The following LMTK2 variants were observed in gnomAD, a reference collection of about 807,000 sequenced individuals.
LMTK2 encodes the protein serine/threonine-protein kinase LMTK2.
In LMTK2, 37 loss-of-function variants were observed where a neutral mutation model predicts 127.5. The ratio of observed to expected loss-of-function variants is 0.29; its 90% confidence interval spans 0.22 to 0.38. The LOEUF (loss-of-function observed/expected upper bound fraction) is 0.38. Ranked by LOEUF, LMTK2 falls within the 10% of genes least tolerant of loss-of-function variation. The probability of loss-of-function intolerance (pLI) is 1.00; values close to 1 mark genes in which losing one functional copy is unlikely to be tolerated. For synonymous variants in LMTK2, 819 were observed against 810.1 expected (o/e 1.01, Z -0.19); for missense variants, 1,694 against 1,920.3 (o/e 0.88, Z 2.20).
chr7:98,114,076 A>G (rs777403033), intron 1 of LMTK2, among the ~76,000 whole-genome samples: 22 of 151,524 alleles, frequency 1.5e-4, no homozygotes, highest in Non-Finnish European at 2.8e-4. Flanking sequence ...AGTATCTTTC[A>G]TTTTCTCTGC....
chr7:98,140,076 A>AACTT (rs1489752762), intron 2 of LMTK2, among the ~76,000 whole-genome samples: 3,828 of 40,172 alleles, frequency 0.095, 965 homozygotes, highest in South Asian at 0.2. Flanking sequence ...AGGTTTCCAC[A>AACTT]ACTTTCTTTC....
Position 98,203,562 on chromosome 7 carries a change from T to A in LMTK2, c.4108-12T>A. 6.3e-7 allele frequency: 1 copy of A among 1,576,410 alleles called. No homozygotes were observed. The highest frequency in any genetic ancestry group is 8.6e-7 in the Non-Finnish European group (1 of 1,167,656). On this transcript the variant is annotated splice_polypyrimidine_tract_variant and intron_variant, in intron 11 of 13. Coordinates refer to ENST00000297293, the MANE Select transcript of LMTK2 (RefSeq NM_014916.4). ...GGCCTTTGCTGACAGGAGTTTCTGTTTGACTTTTCAGGAGACCCCAACCAA... is the reference window on the plus strand; with the variant it reads ...GGCCTTTGCTGACAGGAGTTTCTGTATGACTTTTCAGGAGACCCCAACCAA...
At chr7:98,175,166 G>C (rs1260530611) in intron 7 of LMTK2, among the ~76,000 whole-genome samples, 1 of 152,208 alleles carries the variant, frequency 6.6e-6, no homozygotes, top group African/African-American at 2.4e-5. Flanking sequence ...GGTCATTTCT[G>C]CAGGAGGAGG....
At chr7:98,168,727 A>G (rs1797140075) in intron 6 of LMTK2, among the ~76,000 whole-genome samples, 1 of 150,000 alleles carries the variant, frequency 6.7e-6, no homozygotes, top group African/African-American at 2.4e-5. Context: ...AGGTGTTTGA[A>G]TGACTCATTC....
intron 1 of LMTK2, among the ~76,000 whole-genome samples, chr7:98,119,298 G>A (rs1398941949): frequency 6.6e-6 from 1 of 152,060 alleles, no homozygotes; most frequent in African/African-American, 2.4e-5. Flanking sequence ...CTGTTGACTT[G>A]TGTAACTAGT....
chr7:98,116,798 A>T (rs1175857727), intron 1 of LMTK2, among the ~76,000 whole-genome samples: 1 of 152,246 alleles, frequency 6.6e-6, no homozygotes, highest in Non-Finnish European at 1.5e-5. Context: ...CCAGGAAACC[A>T]CATTACATTT....
At chr7:98,173,859 G>A (rs1797233232) in intron 7 of LMTK2, among the ~76,000 whole-genome samples, 1 of 152,082 alleles carries the variant, frequency 6.6e-6, no homozygotes, top group Non-Finnish European at 1.5e-5. Flanking sequence ...GATCGAGACT[G>A]TCCTGGCTAA....
rs775777810 is a variant in LMTK2 at position 98,107,380 on chromosome 7, C to T, written c.103+100C>T. On this transcript the variant is annotated intron_variant, in intron 1 of 13. Coordinates refer to ENST00000297293, the MANE Select transcript of LMTK2 (RefSeq NM_014916.4). ...GCCTCGGCGCCGAGGAATCGGAGGG[C>T]CTGCCGGGGGCGGGAAGCCCAGGGA... 994 of 239,492 alleles carry T rather than the reference C, an allele frequency of 4.2e-3. 32 individuals are homozygous for T. Among genetic ancestry groups the T allele is most frequent in the Non-Finnish European group, 6.1e-3 (868 of 143,436 alleles). The allele number at this position is 239,492 out of a possible 1,614,324, so 14.8% of individuals were successfully genotyped here.
At chr7:98,163,033 G>T (rs1562910393) in intron 6 of LMTK2, among the ~76,000 whole-genome samples, 1 of 151,960 alleles carries the variant, frequency 6.6e-6, no homozygotes, top group Non-Finnish European at 1.5e-5. Flanking sequence ...GTCACAAAAA[G>T]ACAAGTTCTG....
chr7:98,204,020 C>T lies in LMTK2; in HGVS notation c.4317C>T (p.Ser1439=). 6.2e-7 allele frequency: 1 copy of T among 1,614,220 alleles called. No individual in the cohort carries two copies. Among genetic ancestry groups the T allele is most frequent in the African/African-American group, 1.3e-5 (1 of 75,054 alleles). ...MSKTTSNLLS[S]KPSLQTSKYF... is the part of the protein sequence containing the mutation. ...AGACAACAAGTAACCTGCTCAGCTC[C>T]AAGCCTTCTCTCCAAACATCCAAGT... The change falls in exon 13 of 14, where the codon TCC becomes TCT. Residue 1439 remains serine, a synonymous_variant. Coordinates refer to ENST00000297293, the MANE Select transcript of LMTK2 (RefSeq NM_014916.4).
At position 98,193,257 on chromosome 7, in the gene LMTK2, C is replaced by T. The variant is rs370330450; in HGVS notation, c.2792C>T (p.Ser931Leu). The change falls in exon 11 of 14, where the codon TCG (serine) becomes TTG (leucine). Residue 931 changes from serine (S) to leucine (L), a missense_variant. Ser to Leu is a moderately radical substitution (Grantham distance 145). Transcript: ENST00000297293. The surrounding 1 kb of genome is among the most constrained non-coding windows in gnomAD (Gnocchi z 4.1). ...CAGGAATTGCACAATAAACCATTTT[C>T]GGAAGACCATCACAGTCATCGCCGG... ...LGQELHNKPF[S>L]EDHHSHRRLE... 270 of 1,613,616 alleles carry T rather than the reference C, an allele frequency of 1.7e-4. 5 individuals are homozygous for T. The South Asian group carries it at 2.4e-3, about 14-fold the overall frequency.
intron 4 of LMTK2, 149 bp downstream of exon 4, chr7:98,151,604 G>A (rs1212132165): frequency 8.2e-6 from 5 of 608,770 alleles, no homozygotes; most frequent in African/African-American, 3.7e-5. Context: ...GTGGCAGCGT[G>A]GGGGCGTGAG....
At chr7:98,173,004 C>T (rs777501282) in intron 7 of LMTK2, among the ~76,000 whole-genome samples, 1 of 152,172 alleles carries the variant, frequency 6.6e-6, no homozygotes, top group Non-Finnish European at 1.5e-5. Context: ...ATGATCCGTC[C>T]GCCTCAGCCT....
chr7:98,179,369 G>C (rs1797318887), intron 7 of LMTK2, among the ~76,000 whole-genome samples: 1 of 152,128 alleles, frequency 6.6e-6, no homozygotes, highest in Non-Finnish European at 1.5e-5. Context: ...CTGGCATCCA[G>C]CTCCTTGTTC....
rs1040453357 is a variant in LMTK2, at chr7:98,171,943, G to A, written c.791+269G>A. ...ATAGTTGTACCTGCCTCAGAGTTGGGAGTAAACAGTCCCGATCCACCGTAT... is the reference window on the plus strand; with the variant it reads ...ATAGTTGTACCTGCCTCAGAGTTGGAAGTAAACAGTCCCGATCCACCGTAT... On this transcript the variant is annotated intron_variant, in intron 7 of 13. Transcript: ENST00000297293. This position sits in a 1 kb window ranked among gnomAD's most constrained non-coding sequence, Gnocchi z 5.1. 2.0e-4 allele frequency among the ~76,000 whole-genome samples: 30 copies of A among 152,190 alleles called. No homozygotes were observed. The highest frequency in any genetic ancestry group is 6.8e-4 in the African/African-American group (28 of 41,454).
At chr7:98,196,872 G>A (rs1562923160) in intron 11 of LMTK2, among the ~76,000 whole-genome samples, 1 of 152,228 alleles carries the variant, frequency 6.6e-6, no homozygotes, top group East Asian at 1.9e-4. Flanking sequence ...AGGGCCAGAA[G>A]AAAATGAGGA....
chr7:98,118,984 C>T (rs910300184), intron 1 of LMTK2, among the ~76,000 whole-genome samples: 3 of 151,206 alleles, frequency 2.0e-5, no homozygotes, highest in Admixed American at 6.6e-5. Flanking sequence ...CCCAGCTACT[C>T]AGGAGGCTGA....
At position 98,206,845 on chromosome 7, in the gene LMTK2, G is replaced by C. The variant is rs1416055984; in HGVS notation, c.*1353G>C. On this transcript the variant is annotated 3_prime_UTR_variant, in exon 14 of 14. Transcript: ENST00000297293. ...TGCAGCTGTGAAGGGGGATGGACAA[G>C]GGACGACGGCCGACGGCAGAGCATC... 2 of 152,302 alleles carry C rather than the reference G, an allele frequency of 1.3e-5. No homozygotes were observed. Among genetic ancestry groups the C allele is most frequent in the Non-Finnish European group, 1.5e-5 (1 of 68,128 alleles). 9.4% of individuals were successfully genotyped at this position (152,302 alleles called of 1,614,324 possible).
rs1329461635 is a variant in LMTK2, at chr7:98,206,519, C to T, written c.*1027C>T. The T allele has an allele frequency of 4.6e-5, 7 of 152,268 alleles. No individual in the cohort carries two copies. The highest frequency in any genetic ancestry group is 2.6e-4 in the Admixed American group (4 of 15,288). 9.4% of individuals were successfully genotyped at this position (152,268 alleles called of 1,614,324 possible). On this transcript the variant is annotated 3_prime_UTR_variant, in exon 14 of 14. Transcript: ENST00000297293. Reference sequence around the variant, plus strand: ...CTGCACCCTGCACGGGGCACCGCACCGCTTCCCTCCGCGCAGCTCTTCTGC... The same window carrying T: ...CTGCACCCTGCACGGGGCACCGCACTGCTTCCCTCCGCGCAGCTCTTCTGC...
Sources: allele counts gnomAD v4.1 joint callset (sites outside exome capture counted in the v4.1 genomes callset), GRCh38; gene constraint gnomAD v4.1.1; non-coding constraint Gnocchi (gnomAD v3.1); transcripts MANE v1.5; gene names NCBI Gene and HGNC (gene_info 2026-07-23, HGNC 2026-07-21).